The following C7 variants were observed in gnomAD, a reference collection of about 807,000 sequenced individuals.
C7 encodes the protein complement component C7.
A neutral mutation model predicts 104.8 loss-of-function variants in C7; 83 were observed. The observed-to-expected ratio is 0.79, with a 90% confidence interval of 0.66 to 0.95. The LOEUF is 0.95. Among genes scored for constraint, C7 ranks in the 40% least tolerant of loss-of-function variants. C7 has a pLI of 0.00. For missense variants in C7, 1,070 were observed against 1,011.2 expected (o/e 1.06, Z -0.79); for synonymous variants, 415 against 360.6 (o/e 1.15, Z -1.71).
At chr5:40,962,315 T>A (rs562660857) in intron 13 of C7, 143 bp downstream of exon 13, 1 of 496,246 alleles carries the variant, frequency 2.0e-6, no homozygotes, top group East Asian at 3.0e-5. Flanking sequence ...GGTGAGGGTT[T>A]TAGTGTGTGA....
intron 6 of C7, among the ~76,000 whole-genome samples, chr5:40,938,026 CTACAG>C (rs1739853442): frequency 6.6e-6 from 1 of 152,102 alleles, no homozygotes; most frequent in Admixed American, 6.6e-5. Flanking sequence ...CCTGACACTG[CTACAG>C]TGTCAGCTCA....
chr5:40,914,202 T>C (rs1471761503), intron 1 of C7, among the ~76,000 whole-genome samples: 1 of 152,184 alleles, frequency 6.6e-6, no homozygotes, highest in African/African-American at 2.4e-5. Context: ...AATTTAATTC[T>C]CTGATGATTA....
intron 15 of C7, among the ~76,000 whole-genome samples, chr5:40,976,370 T>G (rs79534924): frequency 0.021 from 3,172 of 152,328 alleles, 54 homozygotes; most frequent in South Asian, 0.035. Context: ...AATGTAGAAT[T>G]AAATGCTGCC....
At chr5:40,944,206 C>T (rs1304667214) in intron 6 of C7, among the ~76,000 whole-genome samples, 6 of 152,142 alleles carry the variant, frequency 3.9e-5, no homozygotes, top group African/African-American at 1.2e-4. Flanking sequence ...AAGGAGAGCT[C>T]CCAATTTGAA....
rs1044562253 is a variant in C7, at chr5:40,984,380, C to T, written c.*2807C>T. On this transcript the variant is annotated 3_prime_UTR_variant, in exon 18 of 18. Coordinates refer to ENST00000313164, the MANE Select transcript of C7 (RefSeq NM_000587.4). ...ACCTAGCAACTAGCCAGGTAACTGGCTAATCTGATTGAGGGTTGCCCTCTT... is the reference window on the plus strand; with the variant it reads ...ACCTAGCAACTAGCCAGGTAACTGGTTAATCTGATTGAGGGTTGCCCTCTT... Among the ~76,000 whole-genome samples the T allele has an allele frequency of 2.0e-5, 3 of 152,252 alleles. No individual in the cohort carries two copies. Among genetic ancestry groups the T allele is most frequent in the African/African-American group, 7.2e-5 (3 of 41,570 alleles).
chr5:40,946,409 G>A (rs1211107786), intron 7 of C7, among the ~76,000 whole-genome samples: 2 of 152,086 alleles, frequency 1.3e-5, no homozygotes, highest in East Asian at 3.9e-4. Context: ...GAAAATATAA[G>A]GAATATTGAT....
At chr5:40,925,043 C>T (rs1234995263) in intron 1 of C7, among the ~76,000 whole-genome samples, 1 of 152,184 alleles carries the variant, frequency 6.6e-6, no homozygotes, top group East Asian at 1.9e-4. Flanking sequence ...GCTCCACAGC[C>T]CTCCTTGAAT....
chr5:40,963,253 C>T (rs1198050543), intron 13 of C7, among the ~76,000 whole-genome samples: 1 of 152,212 alleles, frequency 6.6e-6, no homozygotes, highest in Non-Finnish European at 1.5e-5. Context: ...ATGGCTCTTT[C>T]TCACTTGTCC....
chr5:40,938,223 C>G (rs573544436), intron 6 of C7, among the ~76,000 whole-genome samples: 1 of 152,266 alleles, frequency 6.6e-6, no homozygotes, highest in East Asian at 1.9e-4. Context: ...CCCTCTCACT[C>G]CTCAGGCAAC....
At chr5:40,978,974 G>C (rs1166993045) in intron 16 of C7, among the ~76,000 whole-genome samples, 5 of 145,120 alleles carry the variant, frequency 3.4e-5, no homozygotes, top group Non-Finnish European at 7.5e-5. Flanking sequence ...CTGCCTCCTG[G>C]GTTCAAGTGA....
chr5:40,952,478 T>TTTTATTTATTTACTTATTTA (rs1740192162), intron 9 of C7, among the ~76,000 whole-genome samples: 4 of 149,316 alleles, frequency 2.7e-5, no homozygotes, highest in African/African-American at 7.3e-5. Context: ...CTGTAATTCT[T>TTTTATTTATTTACTTATTTA]TTTATTTATT....
At chr5:40,939,342 A>T (rs1452842728) in intron 6 of C7, among the ~76,000 whole-genome samples, 2 of 152,210 alleles carry the variant, frequency 1.3e-5, no homozygotes, top group Non-Finnish European at 2.9e-5. Flanking sequence ...TGATTAGCAT[A>T]GGTTTAATTC....
chr5:40,947,729 A>G lies in C7; in HGVS notation c.866A>G (p.Tyr289Cys), dbSNP rs765121397. 1.2e-6 allele frequency: 2 copies of G among 1,613,768 alleles called. No individual in the cohort carries two copies. Among genetic ancestry groups the G allele is most frequent in the Admixed American group, 1.7e-5 (1 of 59,966 alleles). Residue 289 changes from tyrosine to cysteine, a missense_variant, in exon 8 of 18, where the codon TAC becomes TGC. Physicochemically the swap from Tyr to Cys is radical, Grantham distance 194 (BLOSUM62 -2). Coordinates refer to ENST00000313164, the MANE Select transcript of C7 (RefSeq NM_000587.4). ...ELSHLPSLYD[Y>C]SAYRRLIDQY... is the part of the protein sequence containing the mutation. ...TCCCACCTCCCCTCTCTGTATGACTACAGTGCCTACCGAAGATTAATCGAC... is the reference window on the plus strand; with the variant it reads ...TCCCACCTCCCCTCTCTGTATGACTGCAGTGCCTACCGAAGATTAATCGAC...
intron 9 of C7, among the ~76,000 whole-genome samples, chr5:40,950,569 G>A (rs1352074175): frequency 6.6e-6 from 1 of 152,064 alleles, no homozygotes; most frequent in Non-Finnish European, 1.5e-5. Context: ...GCTTTATCAG[G>A]GGTTCTGCTT....
At chr5:40,968,596 ATATATTTTTTTTTTTTTTTTT>A (rs1740620739) in intron 14 of C7, among the ~76,000 whole-genome samples, 14 of 23,398 alleles carry the variant, frequency 6.0e-4, no homozygotes, top group South Asian at 5.5e-3. Flanking sequence ...ATATATATAT[ATATATTTTTTTTTTTTTTTTT>A]TTTTTTTTTT....
chr5:40,972,567 A>T lies in C7; in HGVS notation c.2047A>T (p.Met683Leu), dbSNP rs2111710195. 5.0e-6 allele frequency: 8 copies of T among 1,609,954 alleles called. No homozygotes were observed. The Middle Eastern group carries it at 1.2e-3, about 235-fold the overall frequency. Reference sequence around the variant, plus strand: ...CTCCAGCCTTAAGTGGAGTCCTGAGATGAAGAATGCCCGCTGTGTACAAAA... The same window carrying T: ...CTCCAGCCTTAAGTGGAGTCCTGAGTTGAAGAATGCCCGCTGTGTACAAAA... ...CGSSLKWSPE[M>L]KNARCVQKEN... The change falls in exon 15 of 18, where the codon ATG becomes TTG. Residue 683 changes from methionine to leucine, a missense_variant. Transcript: ENST00000313164.
At chr5:40,949,657 T>A (rs1166892949) in intron 8 of C7, among the ~76,000 whole-genome samples, 1 of 152,204 alleles carries the variant, frequency 6.6e-6, no homozygotes, top group African/African-American at 2.4e-5. Flanking sequence ...GTTCAATTTC[T>A]ACTCCCTGCA....
At chr5:40,959,316 C>T (rs543985756) in intron 11 of C7, 133 bp from the exon 12 acceptor site, 3 of 769,444 alleles carry the variant, frequency 3.9e-6, no homozygotes, top group Non-Finnish European at 6.2e-6. Context: ...TGTAGAAAAC[C>T]TCAATGAAGA....
Position 40,983,297 on chromosome 5 carries a change from C to T in C7, c.*1724C>T, listed in dbSNP as rs1435582244. Among the ~76,000 whole-genome samples, 3 of 152,160 alleles carry T rather than the reference C, an allele frequency of 2.0e-5. No individual in the cohort carries two copies. The highest frequency in any genetic ancestry group is 6.5e-5 in the Admixed American group (1 of 15,276). On this transcript the variant is annotated 3_prime_UTR_variant, in exon 18 of 18. Coordinates refer to ENST00000313164, the MANE Select transcript of C7 (RefSeq NM_000587.4). Reference sequence around the variant, plus strand: ...CTCAGTATCCTTCCAATAATTTCTCCTCTTAGCTTAAGCTAGTATGGAGTT... The same window carrying T: ...CTCAGTATCCTTCCAATAATTTCTCTTCTTAGCTTAAGCTAGTATGGAGTT...
Sources: allele counts gnomAD v4.1 joint callset (sites outside exome capture counted in the v4.1 genomes callset), GRCh38; gene constraint gnomAD v4.1.1; transcripts MANE v1.5; gene names NCBI Gene and HGNC (gene_info 2026-07-23, HGNC 2026-07-21).